Variants in PCDH15 observed in about 807,000 individuals in gnomAD.
PCDH15 encodes the protein protocadherin related 15.
PCDH15 carries 129 observed loss-of-function variants against 178.5 expected under a neutral mutation model. The observed-to-expected ratio is 0.72, with a 90% CI of 0.63 to 0.84. The LOEUF is 0.84. Ranked by LOEUF, PCDH15 falls within the 40% of genes least tolerant of loss-of-function variation. The probability of loss-of-function intolerance (pLI) is 0.00; values close to 1 mark genes in which losing one functional copy is unlikely to be tolerated. For missense variants in PCDH15, 2,230 were observed against 2,099.9 expected, an observed-to-expected ratio of 1.06 and a Z score of -1.21; for synonymous variants, 800 against 732.0, an observed-to-expected ratio of 1.09 and a Z score of -1.50.
At chr10:54,538,807 C>A (rs1354228588) in intron 2 of PCDH15, among the ~76,000 whole-genome samples, 2 of 152,140 alleles carry the variant, frequency 1.3e-5, no homozygotes, top group Admixed American at 1.3e-4. Flanking sequence ...CCTGTGGAAC[C>A]AAGGGCCAAT....
At chr10:53,970,661 C>T (rs543061035) in intron 21 of PCDH15, among the ~76,000 whole-genome samples, 20 of 152,210 alleles carry the variant, frequency 1.3e-4, no homozygotes, top group East Asian at 9.6e-4. Context: ...CTATAAACAC[C>T]TCTATGCAAA....
intron 16 of PCDH15, among the ~76,000 whole-genome samples, chr10:54,089,389 CA>C (rs996352787): frequency 5.3e-5 from 8 of 152,160 alleles, no homozygotes. Context: ...CTTGCTATTG[CA>C]AAAGGGAAGC....
chr10:55,226,758 C>T (rs1841057386), intron 1 of PCDH15, among the ~76,000 whole-genome samples: 1 of 151,940 alleles, frequency 6.6e-6, no homozygotes, highest in South Asian at 2.1e-4. Flanking sequence ...AAAATAACTA[C>T]AATAATAATT....
At chr10:54,598,262 T>A in intron 2 of PCDH15, among the ~76,000 whole-genome samples, 1 of 151,554 alleles carries the variant, frequency 6.6e-6, no homozygotes, top group East Asian at 1.9e-4. Context: ...TCCAGCACTA[T>A]ATCACGAATC....
intron 8 of PCDH15, among the ~76,000 whole-genome samples, chr10:54,285,718 G>A (rs999540411): frequency 6.6e-6 from 1 of 152,082 alleles, no homozygotes; most frequent in Non-Finnish European, 1.5e-5. Context: ...CTACTACTGG[G>A]TACACATCCA....
intron 2 of PCDH15, among the ~76,000 whole-genome samples, chr10:54,572,518 A>C (rs1166303142): frequency 6.6e-6 from 1 of 152,160 alleles, no homozygotes; most frequent in African/African-American, 2.4e-5. Flanking sequence ...GATTGAAAGA[A>C]TTGTCATTCC....
At chr10:55,083,706 C>A (rs186460355) in intron 2 of PCDH15, among the ~76,000 whole-genome samples, 12 of 151,906 alleles carry the variant, frequency 7.9e-5, no homozygotes, top group African/African-American at 2.2e-4. Flanking sequence ...AACTGATAAA[C>A]ACATTCAGTT....
intron 3 of PCDH15, among the ~76,000 whole-genome samples, chr10:54,509,361 C>T (rs1168578739): frequency 6.6e-6 from 1 of 152,090 alleles, no homozygotes; most frequent in Non-Finnish European, 1.5e-5. Context: ...ACTTGGCTCT[C>T]ATTTTCTCTC....
intron 6 of PCDH15, among the ~76,000 whole-genome samples, chr10:54,338,881 CAA>C (rs1217079473): frequency 3.6e-5 from 5 of 137,420 alleles, no homozygotes; most frequent in African/African-American, 1.5e-4. Flanking sequence ...AAAAAAAGAT[CAA>C]AAAGACATGA....
intron 1 of PCDH15, among the ~76,000 whole-genome samples, chr10:55,293,184 T>C (rs1333356573): frequency 6.6e-6 from 1 of 152,202 alleles, no homozygotes; most frequent in African/African-American, 2.4e-5. Flanking sequence ...TTGCACTCCC[T>C]GAAGCCATGG....
intron 1 of PCDH15, among the ~76,000 whole-genome samples, chr10:54,772,226 T>A (rs1392461972): frequency 6.6e-6 from 1 of 152,226 alleles, no homozygotes; most frequent in Admixed American, 6.5e-5. Flanking sequence ...GCTCTTCGGC[T>A]ACATTCCAAA....
intron 2 of PCDH15, chr10:54,568,800 T>C (rs2089396697): frequency 1.3e-5 from 2 of 152,232 alleles, no homozygotes; most frequent in South Asian, 4.1e-4. Context: ...TTTAAATATA[T>C]AGAATAGCAA....
At chr10:54,395,409 C>G (rs1951076125) in intron 3 of PCDH15, among the ~76,000 whole-genome samples, 1 of 143,448 alleles carries the variant, frequency 7.0e-6, no homozygotes, top group Non-Finnish European at 1.5e-5. Flanking sequence ...TTATTCCTGT[C>G]TATCTCTATG....
At chr10:54,206,367 A>G (rs1024567717) in intron 10 of PCDH15, among the ~76,000 whole-genome samples, 1 of 152,152 alleles carries the variant, frequency 6.6e-6, no homozygotes, top group Non-Finnish European at 1.5e-5. Context: ...CGTGAGAATC[A>G]TCTTGGGTAT....
chr10:53,832,695 C>A (rs1900416), intron 29 of PCDH15, among the ~76,000 whole-genome samples: 31,030 of 150,638 alleles, frequency 0.21, 3,535 homozygotes, highest in Non-Finnish European at 0.26. Context: ...ATTAAAATGG[C>A]CCTAAATTTC....
rs2076605083 is a variant in PCDH15, at chr10:53,825,282, A to ATGTT, written c.4367+2107_4367+2110dup. The ATGTT allele has an allele frequency of 4.1e-6, 4 of 972,194 alleles. No individual in the cohort carries two copies. In the African/African-American group the frequency reaches 6.8e-5, roughly 16 times the overall value. 60.2% of individuals were successfully genotyped at this position (972,194 alleles called of 1,614,324 possible). A position where few individuals can be genotyped will look rare whatever the true frequency, so the allele number is the denominator to read the frequency against. On this transcript the variant is annotated intron_variant, in intron 32 of 37. Coordinates refer to ENST00000644397, the MANE Select transcript of PCDH15 (RefSeq NM_001384140.1). ...TTAGTACGTATATCAAAAAAAAGGC[A>ATGTT]TGTTTTTATATTTTGTTATTATTCA...
chr10:54,613,924 C>G (rs761711962), intron 2 of PCDH15, among the ~76,000 whole-genome samples: 1 of 151,480 alleles, frequency 6.6e-6, no homozygotes, highest in Non-Finnish European at 1.5e-5. Context: ...CAGGAGACAA[C>G]GAACTCCCAG....
intron 3 of PCDH15, among the ~76,000 whole-genome samples, chr10:54,453,625 G>A (rs1277139975): frequency 6.6e-6 from 1 of 151,266 alleles, no homozygotes; most frequent in African/African-American, 2.4e-5. Flanking sequence ...TGTACGTTGT[G>A]CACATGTACC....
chr10:54,535,080 T>C (rs934033422), intron 2 of PCDH15, among the ~76,000 whole-genome samples: 2 of 152,196 alleles, frequency 1.3e-5, no homozygotes, highest in Admixed American at 1.3e-4. Context: ...CTACTTGTGT[T>C]ACTCTCTTGG....
Sources: allele counts gnomAD v4.1 joint callset (sites outside exome capture counted in the v4.1 genomes callset), GRCh38; gene constraint gnomAD v4.1.1; transcripts MANE v1.5; gene names NCBI Gene and HGNC (gene_info 2026-07-23, HGNC 2026-07-21).